Variants in ANKIB1 observed in about 807,000 individuals in gnomAD.
ANKIB1 encodes ankyrin repeat and IBR domain containing 1.
ANKIB1 carries 43 observed loss-of-function variants against 122.1 expected under a neutral mutation model. The ratio of observed to expected loss-of-function variants is 0.35; its 90% CI spans 0.28 to 0.45. The LOEUF (loss-of-function observed/expected upper bound fraction) is 0.45. Among genes scored for constraint, ANKIB1 ranks in the 20% least tolerant of loss-of-function variants. The pLI is 1.00. For missense variants in ANKIB1, 992 were observed against 1,329.5 expected, an observed-to-expected ratio of 0.75 and a Z score of 3.95; for synonymous variants, 390 against 442.0, an observed-to-expected ratio of 0.88 and a Z score of 1.48.
intron 10 of ANKIB1, among the ~76,000 whole-genome samples, chr7:92,363,448 G>A (rs944253584): frequency 6.6e-6 from 1 of 152,104 alleles, no homozygotes; most frequent in South Asian, 2.1e-4. Context: ...CATGAGCAAA[G>A]CACATAATAA....
At chr7:92,278,367 C>T in intron 1 of ANKIB1, among the ~76,000 whole-genome samples, 1 of 152,164 alleles carries the variant, frequency 6.6e-6, no homozygotes, top group Non-Finnish European at 1.5e-5. Flanking sequence ...ATAGGCTCAG[C>T]AGTCGGTTTG....
Position 92,319,415 on chromosome 7 carries a change from A to C in ANKIB1, c.572A>C (p.Lys191Thr), listed in dbSNP as rs1802858399. ...GATTGTGCTGAAAAGCAACACCACAAAGATTTGGCCCTCAATCTGGAATCT... is the reference window on the plus strand; with the variant it reads ...GATTGTGCTGAAAAGCAACACCACACAGATTTGGCCCTCAATCTGGAATCT... ...PCDCAEKQHH[K>T]DLALNLESQM... The change falls in exon 4 of 20, where the codon AAA becomes ACA. Residue 191 changes from lysine (K) to threonine (T), a missense_variant. Around this residue, in one of 4 missense-constraint regions of ANKIB1, gnomAD observed 521 missense variants for 777.7 expected, o/e 0.67. Coordinates refer to ENST00000265742, the MANE Select transcript of ANKIB1 (RefSeq NM_019004.2). The C allele has an allele frequency of 6.2e-7, 1 of 1,613,450 alleles. No homozygotes were observed. The highest frequency in any genetic ancestry group is 8.5e-7 in the Non-Finnish European group (1 of 1,179,690).
intron 2 of ANKIB1, among the ~76,000 whole-genome samples, chr7:92,299,628 C>T (rs1381422057): frequency 6.6e-6 from 1 of 152,168 alleles, no homozygotes; most frequent in African/African-American, 2.4e-5. Context: ...GAAAATCCAG[C>T]TGTCTTCCAT....
chr7:92,396,392 A>C lies in ANKIB1; in HGVS notation c.2311A>C (p.Arg771=). The C allele has an allele frequency of 6.3e-7, 1 of 1,592,760 alleles. No individual in the cohort carries two copies. Among genetic ancestry groups the C allele is most frequent in the African/African-American group, 1.3e-5 (1 of 74,640 alleles). Residue 771 remains arginine, a synonymous_variant, in exon 18 of 20, where the codon AGG becomes CGG. Coordinates refer to ENST00000265742, the MANE Select transcript of ANKIB1 (RefSeq NM_019004.2). ...EEYAEFQYRR[R]HRQRRRGDVH... ...ATATGCTGAATTTCAGTATCGGAGGAGGCACAGACAACGTCGTCGAGGAGA... is the reference window on the plus strand; with the variant it reads ...ATATGCTGAATTTCAGTATCGGAGGCGGCACAGACAACGTCGTCGAGGAGA...
chr7:92,288,375 G>A (rs552781144), intron 1 of ANKIB1, among the ~76,000 whole-genome samples: 1 of 152,248 alleles, frequency 6.6e-6, no homozygotes, highest in African/African-American at 2.4e-5. Flanking sequence ...GAAATACCAT[G>A]TTCATGGATT....
At chr7:92,325,617 A>T (rs1399625389) in intron 4 of ANKIB1, among the ~76,000 whole-genome samples, 1 of 152,032 alleles carries the variant, frequency 6.6e-6, no homozygotes, top group Admixed American at 6.5e-5. Context: ...ACTTTTGGGT[A>T]AATAAGTGCC....
At chr7:92,288,826 C>T (rs979421363) in intron 1 of ANKIB1, among the ~76,000 whole-genome samples, 2 of 152,018 alleles carry the variant, frequency 1.3e-5, no homozygotes, top group African/African-American at 4.8e-5. Context: ...TACTACACAT[C>T]CATTATAATG....
intron 2 of ANKIB1, among the ~76,000 whole-genome samples, chr7:92,305,325 C>T (rs1331754316): frequency 1.3e-5 from 2 of 152,190 alleles, no homozygotes; most frequent in African/African-American, 4.8e-5. Context: ...ATGTACTGCA[C>T]TGCTGGCTCA....
intron 10 of ANKIB1, among the ~76,000 whole-genome samples, chr7:92,370,651 A>C (rs1804224339): frequency 6.6e-6 from 1 of 152,112 alleles, no homozygotes. Flanking sequence ...AATGATAATT[A>C]CTCAAGGTGG....
chr7:92,265,456 G>A (rs1293677668), intron 1 of ANKIB1, among the ~76,000 whole-genome samples: 1 of 152,234 alleles, frequency 6.6e-6, no homozygotes, highest in East Asian at 1.9e-4. Flanking sequence ...AAAGGGGCCA[G>A]TGTAGCTGGA....
chr7:92,313,509 C>T (rs1433167814), intron 3 of ANKIB1, among the ~76,000 whole-genome samples: 2 of 152,138 alleles, frequency 1.3e-5, no homozygotes, highest in Admixed American at 1.3e-4. Flanking sequence ...CTTATGATCT[C>T]ATTATTGTCC....
chr7:92,360,514 T>C (rs982837629), intron 9 of ANKIB1, among the ~76,000 whole-genome samples: 2 of 152,212 alleles, frequency 1.3e-5, no homozygotes, highest in Non-Finnish European at 2.9e-5. Flanking sequence ...ACTTGGGTTG[T>C]TTCCCCCTTT....
chr7:92,383,829 AC>A (rs1252024193), intron 11 of ANKIB1, among the ~76,000 whole-genome samples: 2 of 152,230 alleles, frequency 1.3e-5, no homozygotes, highest in African/African-American at 4.8e-5. Context: ...GAAAACTGGC[AC>A]AAGACAGGGA....
intron 1 of ANKIB1, among the ~76,000 whole-genome samples, chr7:92,271,836 A>G (rs1801800885): frequency 6.6e-6 from 1 of 152,236 alleles, no homozygotes; most frequent in Admixed American, 6.5e-5. Flanking sequence ...TAGGAGGTCC[A>G]TTATCCAAAT....
rs1804802255 is a variant in ANKIB1 at position 92,392,303 on chromosome 7, TA to T, written c.2283+12del. 1.2e-6 allele frequency: 2 copies of T among 1,608,906 alleles called. No individual in the cohort carries two copies. The highest frequency in any genetic ancestry group is 2.7e-5 in the African/African-American group (2 of 74,752). On this transcript the variant is annotated intron_variant, in intron 17 of 19. Transcript: ENST00000265742. ...TTTGCATCACCAGAGGTAATTGTTT[TA>T]TGGGGTTTTTGTTTTTGTATTTTTT...
At chr7:92,272,656 T>C (rs560451123) in intron 1 of ANKIB1, among the ~76,000 whole-genome samples, 6 of 152,250 alleles carry the variant, frequency 3.9e-5, no homozygotes, top group African/African-American at 1.4e-4. Context: ...ATAGGAGTTA[T>C]GATAGATTAT....
chr7:92,340,932 T>C (rs529685203), intron 5 of ANKIB1, among the ~76,000 whole-genome samples: 1 of 152,328 alleles, frequency 6.6e-6, no homozygotes, highest in Admixed American at 6.5e-5. Flanking sequence ...ACTATAAGTT[T>C]ATAAATGTTT....
intron 1 of ANKIB1, among the ~76,000 whole-genome samples, chr7:92,270,978 A>G (rs769772924): frequency 7.3e-5 from 11 of 151,606 alleles, no homozygotes; most frequent in Non-Finnish European, 1.6e-4. Context: ...CAATTTATCA[A>G]TTTTTTTCTT....
At chr7:92,353,435 T>C (rs1451087916) in intron 9 of ANKIB1, among the ~76,000 whole-genome samples, 1 of 152,228 alleles carries the variant, frequency 6.6e-6, no homozygotes, top group East Asian at 1.9e-4. Context: ...GTTAACTGTT[T>C]TAAGTAAATG....
Sources: gnomAD v4.1 joint callset for allele counts (sites outside exome capture counted in the v4.1 genomes callset) on GRCh38, gnomAD v4.1.1 for gene constraint, gnomAD v4.1.1 regional missense constraint, MANE v1.5 for transcripts, NCBI Gene and HGNC (gene_info 2026-07-23, HGNC 2026-07-21) for gene names.